ARHGAP26: variants seen among roughly 807,000 people sequenced by gnomAD.
ARHGAP26 encodes rho GTPase-activating protein 26.
In ARHGAP26, 38 loss-of-function variants were observed where a neutral mutation model predicts 104.8. The ratio of observed to expected loss-of-function variants is 0.36; its 90% CI spans 0.28 to 0.48. The LOEUF is 0.48. Ranked by LOEUF, ARHGAP26 falls within the 20% of genes least tolerant of loss-of-function variation. ARHGAP26 has a pLI of 0.99. For missense variants in ARHGAP26, 704 were observed against 947.9 expected (o/e 0.74, Z 3.38); for synonymous variants, 341 against 340.0 (o/e 1.00, Z -0.03).
intron 1 of ARHGAP26, among the ~76,000 whole-genome samples, chr5:142,783,160 G>A (rs1392593219): frequency 6.6e-6 from 1 of 152,244 alleles, no homozygotes; most frequent in Non-Finnish European, 1.5e-5. Context: ...AGCCTCGTGG[G>A]CACATCTCAG....
At chr5:143,126,854 A>C (rs1796785737) in intron 18 of ARHGAP26, among the ~76,000 whole-genome samples, 1 of 152,218 alleles carries the variant, frequency 6.6e-6, no homozygotes. Context: ...GTTATGCAAA[A>C]TTACCATTTC....
At chr5:142,848,008 C>T (rs1461698833) in intron 1 of ARHGAP26, among the ~76,000 whole-genome samples, 1 of 152,202 alleles carries the variant, frequency 6.6e-6, no homozygotes. Context: ...AGAAGAGTGC[C>T]TACCACCTGG....
chr5:142,784,176 T>G (rs113567052), intron 1 of ARHGAP26, among the ~76,000 whole-genome samples: 2,842 of 152,340 alleles, frequency 0.019, 87 homozygotes, highest in African/African-American at 0.065. Context: ...TGGGTTTCTC[T>G]CTGGAAAGAA....
intron 1 of ARHGAP26, among the ~76,000 whole-genome samples, chr5:142,821,004 G>A (rs1766051976): frequency 6.6e-6 from 1 of 152,172 alleles, no homozygotes; most frequent in Non-Finnish European, 1.5e-5. Context: ...AGTAGCTTTT[G>A]CTCTGCTTAG....
intron 1 of ARHGAP26, among the ~76,000 whole-genome samples, chr5:142,870,476 G>T (rs1755122274): frequency 1.3e-5 from 2 of 152,214 alleles, no homozygotes; most frequent in South Asian, 4.1e-4. Flanking sequence ...AAGGATCTCA[G>T]TTCACAGGAC....
chr5:143,118,483 C>T (rs912190896), intron 17 of ARHGAP26, among the ~76,000 whole-genome samples: 5 of 152,260 alleles, frequency 3.3e-5, no homozygotes, highest in African/African-American at 4.8e-5. Context: ...TAAAAATAGT[C>T]GGGCAGGCCA....
At chr5:142,874,944 T>G (rs1326140193) in intron 2 of ARHGAP26, 166 bp from the exon 3 acceptor site, 1 of 614,570 alleles carries the variant, frequency 1.6e-6, no homozygotes, top group East Asian at 2.8e-5. Context: ...TGGGTCATCC[T>G]TAATGGTTAA....
chr5:142,888,474 A>G (rs966145165), intron 5 of ARHGAP26, among the ~76,000 whole-genome samples: 2 of 152,210 alleles, frequency 1.3e-5, no homozygotes, highest in African/African-American at 4.8e-5. Flanking sequence ...GTGTTCAGCT[A>G]TGTATTGATC....
chr5:143,075,245 T>C (rs1788827614), intron 17 of ARHGAP26, among the ~76,000 whole-genome samples: 1 of 151,870 alleles, frequency 6.6e-6, no homozygotes, highest in Non-Finnish European at 1.5e-5. Context: ...AGGGTCAACA[T>C]TTTACAGAGC....
chr5:142,841,546 C>G (rs1418983900), intron 1 of ARHGAP26, among the ~76,000 whole-genome samples: 1 of 152,190 alleles, frequency 6.6e-6, no homozygotes, highest in Non-Finnish European at 1.5e-5. Context: ...ACTGTTTAGT[C>G]ACACTGAGTG....
chr5:142,806,985 G>A (rs1177372271), intron 1 of ARHGAP26, among the ~76,000 whole-genome samples: 1 of 152,206 alleles, frequency 6.6e-6, no homozygotes, highest in South Asian at 2.1e-4. Flanking sequence ...TGTGAAGGGA[G>A]CCCTCAGGCT....
chr5:142,827,544 A>G (rs1378937383), intron 1 of ARHGAP26, among the ~76,000 whole-genome samples: 1 of 152,182 alleles, frequency 6.6e-6, no homozygotes, highest in African/African-American at 2.4e-5. Flanking sequence ...TGTAGAGTGT[A>G]GGTTAAGAGC....
At chr5:142,836,783 A>G (rs1402495318) in intron 1 of ARHGAP26, among the ~76,000 whole-genome samples, 1 of 152,248 alleles carries the variant, frequency 6.6e-6, no homozygotes, top group Non-Finnish European at 1.5e-5. Flanking sequence ...ATCAGATACC[A>G]TACTAGGCAT....
chr5:143,148,554 G>A (rs1409351902), intron 20 of ARHGAP26, among the ~76,000 whole-genome samples: 1 of 152,208 alleles, frequency 6.6e-6, no homozygotes, highest in Non-Finnish European at 1.5e-5. Context: ...TCATACTGAT[G>A]TTCAGGAAGT....
chr5:143,208,436 T>C (rs1373073860), intron 21 of ARHGAP26, among the ~76,000 whole-genome samples: 1 of 152,200 alleles, frequency 6.6e-6, no homozygotes, highest in African/African-American at 2.4e-5. Context: ...GTTTCACTTT[T>C]AGAAGAAAAG....
chr5:143,042,033 C>G, intron 14 of ARHGAP26, 143 bp downstream of exon 14: 1 of 687,560 alleles, frequency 1.5e-6, no homozygotes, highest in South Asian at 1.7e-5. Flanking sequence ...TCTGCCCCAT[C>G]GGTCAGTTGT....
chr5:142,837,271 G>A (rs779641112), intron 1 of ARHGAP26, among the ~76,000 whole-genome samples: 4 of 152,108 alleles, frequency 2.6e-5, no homozygotes, highest in Non-Finnish European at 5.9e-5. Flanking sequence ...TAAGCTCAGT[G>A]GAGGATACTC....
At chr5:142,991,424 G>T (rs952291923) in intron 11 of ARHGAP26, among the ~76,000 whole-genome samples, 16 of 152,180 alleles carry the variant, frequency 1.1e-4, no homozygotes. Flanking sequence ...GTAAGGTGAT[G>T]CCTTGCCCTG....
intron 10 of ARHGAP26, chr5:142,919,522 A>C: frequency 2.5e-6 from 1 of 397,708 alleles, no homozygotes; most frequent in South Asian, 1.4e-4. Context: ...TTCTCAATGA[A>C]GCAGCACTCA....
Sources: gnomAD v4.1 joint callset for allele counts (sites outside exome capture counted in the v4.1 genomes callset) on GRCh38, gnomAD v4.1.1 for gene constraint, MANE v1.5 for transcripts, NCBI Gene and HGNC (gene_info 2026-07-23, HGNC 2026-07-21) for gene names.